Variants in CDH4 observed in about 807,000 individuals in gnomAD.
CDH4 encodes cadherin-4.
Under a neutral mutation model 86.0 loss-of-function variants are expected in CDH4, and 33 were observed. The ratio of observed to expected loss-of-function variants is 0.38; its 90% CI spans 0.29 to 0.51. The LOEUF is 0.51. Ranked by LOEUF, CDH4 falls within the 20% of genes least tolerant of loss-of-function variation. CDH4 has a pLI of 0.86. For missense variants in CDH4, 1,114 were observed against 1,307.4 expected (o/e 0.85, Z 2.28); for synonymous variants, 555 against 549.4 (o/e 1.01, Z -0.14).
intron 2 of CDH4, among the ~76,000 whole-genome samples, chr20:61,354,273 C>T (rs992869334): frequency 6.6e-5 from 10 of 152,032 alleles, no homozygotes; most frequent in Admixed American, 5.9e-4. Context: ...TGGGAGAGGG[C>T]GGTTTTCCAG....
chr20:61,458,390 G>A (rs1260960805), intron 2 of CDH4, among the ~76,000 whole-genome samples: 1 of 141,366 alleles, frequency 7.1e-6, no homozygotes, highest in Non-Finnish European at 1.6e-5. Context: ...GTATGGTGAT[G>A]GTCATGATGG....
At chr20:61,350,019 A>G (rs1186701226) in intron 2 of CDH4, among the ~76,000 whole-genome samples, 1 of 151,242 alleles carries the variant, frequency 6.6e-6, no homozygotes, top group African/African-American at 2.5e-5. Flanking sequence ...AACTGGACAC[A>G]TGTGGGCGAG....
chr20:61,645,510 T>C (rs1214844341), intron 2 of CDH4, among the ~76,000 whole-genome samples: 1 of 151,940 alleles, frequency 6.6e-6, no homozygotes, highest in African/African-American at 2.4e-5. Context: ...AACACACCTG[T>C]GGTCCCAGCT....
intron 2 of CDH4, among the ~76,000 whole-genome samples, chr20:61,342,330 T>G (rs1444251752): frequency 6.6e-6 from 1 of 152,226 alleles, no homozygotes; most frequent in African/African-American, 2.4e-5. Context: ...CAACTCACCA[T>G]GACGTACAGT....
intron 2 of CDH4, among the ~76,000 whole-genome samples, chr20:61,464,777 G>A (rs769426869): frequency 2.6e-5 from 4 of 152,164 alleles, no homozygotes; most frequent in East Asian, 3.9e-4. Context: ...AAGAGTGGGC[G>A]CTCCTGCCAG....
At chr20:61,451,438 TATAATA>T (rs1165509215) in intron 2 of CDH4, among the ~76,000 whole-genome samples, 2 of 152,120 alleles carry the variant, frequency 1.3e-5, no homozygotes, top group Non-Finnish European at 2.9e-5. Context: ...GCAAAATGGG[TATAATA>T]ATACCGTTAT....
At chr20:61,511,447 C>CT (rs1208696522) in intron 2 of CDH4, among the ~76,000 whole-genome samples, 2 of 152,216 alleles carry the variant, frequency 1.3e-5, no homozygotes, top group Non-Finnish European at 2.9e-5. Context: ...TAAAAAAGTC[C>CT]TTCCCCTAAA....
chr20:61,931,852 C>T (rs2055114794), intron 13 of CDH4, among the ~76,000 whole-genome samples: 1 of 152,118 alleles, frequency 6.6e-6, no homozygotes, highest in South Asian at 2.1e-4. Flanking sequence ...CACAAGGGGA[C>T]TTTACCTCTC....
At chr20:61,470,103 A>G (rs987572158) in intron 2 of CDH4, among the ~76,000 whole-genome samples, 3 of 152,090 alleles carry the variant, frequency 2.0e-5, no homozygotes, top group Non-Finnish European at 4.4e-5. Flanking sequence ...GAAGAATGTC[A>G]TTGGTATTTT....
rs574814667 is a variant in CDH4 at position 61,815,903 on chromosome 20, C to T, written c.577-28765C>T. ...GTTATCCTGGCTGCTCCGTGAGCCG[C>T]AATGCCCGCGTTCATTTGTTAAAGC... is the stretch of plus-strand genomic sequence containing the variant. On this transcript the variant is annotated intron_variant, in intron 4 of 15. Transcript: ENST00000614565. Among the ~76,000 whole-genome samples, 20 of 152,334 alleles carry T rather than the reference C, an allele frequency of 1.3e-4. 2 individuals carry two copies. The South Asian group carries it at 4.1e-3, about 32-fold the overall frequency.
In CDH4 at chr20:61,545,452, G is replaced by A. The variant is rs375794480; in HGVS notation, c.170-198111G>A. On this transcript the variant is annotated intron_variant, in intron 2 of 15. Transcript: ENST00000614565. ...TCACGGGAAGGACGCTGACCCCGGCGCTCCCCAGGCTGCACGGTGTCCCTC... is the reference window on the plus strand; with the variant it reads ...TCACGGGAAGGACGCTGACCCCGGCACTCCCCAGGCTGCACGGTGTCCCTC... Among the ~76,000 whole-genome samples, 37 of 152,358 alleles carry A rather than the reference G, an allele frequency of 2.4e-4. 1 individual carries two copies. The East Asian group carries it at 6.6e-3, about 27-fold the overall frequency.
chr20:61,262,784 T>C, intron 2 of CDH4, among the ~76,000 whole-genome samples: 1 of 143,750 alleles, frequency 7.0e-6, no homozygotes, highest in African/African-American at 2.6e-5. Flanking sequence ...CTTCCCTCTC[T>C]CCTCCCTCCC....
intron 2 of CDH4, among the ~76,000 whole-genome samples, chr20:61,444,807 GTA>G (rs1193627155): frequency 6.7e-6 from 1 of 148,202 alleles, no homozygotes; most frequent in Admixed American, 6.7e-5. Context: ...GTATGTATGT[GTA>G]TCTTTGTGTG....
At chr20:61,572,913 C>T (rs1057495560) in intron 2 of CDH4, among the ~76,000 whole-genome samples, 1 of 147,430 alleles carries the variant, frequency 6.8e-6, no homozygotes. Context: ...GGATGATGGT[C>T]AGATGAATGG....
intron 1 of CDH4, among the ~76,000 whole-genome samples, chr20:61,254,104 C>T (rs1051596899): frequency 6.6e-6 from 1 of 152,204 alleles, no homozygotes; most frequent in Admixed American, 6.5e-5. Flanking sequence ...GCAGGAAAGG[C>T]GAGCGAGCTC....
chr20:61,622,539 G>A (rs2086787198), intron 2 of CDH4, among the ~76,000 whole-genome samples: 1 of 152,248 alleles, frequency 6.6e-6, no homozygotes, highest in Non-Finnish European at 1.5e-5. Context: ...GGAGACAGAG[G>A]GTCCTAAAGC....
At chr20:61,262,283 G>A (rs1022945507) in intron 2 of CDH4, among the ~76,000 whole-genome samples, 23 of 152,170 alleles carry the variant, frequency 1.5e-4, no homozygotes, top group Non-Finnish European at 2.8e-4. Flanking sequence ...TGCCCATGTC[G>A]GGGTCCTGGG....
At chr20:61,781,486 ATC>A (rs1478113836) in intron 4 of CDH4, among the ~76,000 whole-genome samples, 4 of 152,244 alleles carry the variant, frequency 2.6e-5, no homozygotes, top group Non-Finnish European at 5.9e-5. Flanking sequence ...AAAGTACAGT[ATC>A]TCTAACGGAA....
chr20:61,492,770 T>G (rs1380085598), intron 2 of CDH4, among the ~76,000 whole-genome samples: 1 of 152,166 alleles, frequency 6.6e-6, no homozygotes, highest in Non-Finnish European at 1.5e-5. Context: ...AGAAGTGCCA[T>G]GTACAGAATC....
Sources: gnomAD v4.1 joint callset for allele counts (sites outside exome capture counted in the v4.1 genomes callset) on GRCh38, gnomAD v4.1.1 for gene constraint, MANE v1.5 for transcripts, NCBI Gene and HGNC (gene_info 2026-07-23, HGNC 2026-07-21) for gene names.